Variants in ST6GALNAC3 observed in about 807,000 individuals in gnomAD.
ST6GALNAC3 encodes ST6 N-acetylgalactosaminide alpha-2,6-sialyltransferase 3.
Under a neutral mutation model 32.7 loss-of-function variants are expected in ST6GALNAC3, and 25 were observed. That is an observed-to-expected ratio of 0.76 (90% CI 0.56 to 1.07). ST6GALNAC3 has a LOEUF of 1.07. Ranked by LOEUF, ST6GALNAC3 falls within the 50% of genes least tolerant of loss-of-function variation. ST6GALNAC3 has a pLI of 0.00. For synonymous variants in ST6GALNAC3, 129 were observed against 133.1 expected, an observed-to-expected ratio of 0.97 and a Z score of 0.21; for missense variants, 355 against 382.4, an observed-to-expected ratio of 0.93 and a Z score of 0.60.
rs987028158 is a variant in ST6GALNAC3, at chr1:76,509,852, C to T, written c.623+97435C>T. Among the ~76,000 whole-genome samples, 2 of 152,276 alleles carry T rather than the reference C, an allele frequency of 1.3e-5. No homozygotes were observed. Among genetic ancestry groups the T allele is most frequent in the African/African-American group, 2.4e-5 (1 of 41,570 alleles). ...TAAGGACCCCCATGGTTACATTGGG[C>T]CAGAATAATCCTTCAAATTCAAGAT... is the stretch of plus-strand genomic sequence containing the variant. On this transcript the variant is annotated intron_variant, in intron 3 of 4. Transcript: ENST00000328299. This position sits in a 1 kb window ranked among gnomAD's most constrained non-coding sequence, Gnocchi z 5.5.
intron 1 of ST6GALNAC3, among the ~76,000 whole-genome samples, chr1:76,258,875 T>C (rs1658069638): frequency 6.6e-6 from 1 of 152,124 alleles, no homozygotes; most frequent in Non-Finnish European, 1.5e-5. Context: ...CCTAAAAAAA[T>C]TCAGCAAGTC....
intron 1 of ST6GALNAC3, among the ~76,000 whole-genome samples, chr1:76,182,136 G>A (rs1220936201): frequency 6.6e-6 from 1 of 152,124 alleles, no homozygotes; most frequent in African/African-American, 2.4e-5. Context: ...TATGAAATAA[G>A]CATTTTTACT....
intron 3 of ST6GALNAC3, among the ~76,000 whole-genome samples, chr1:76,559,458 C>T (rs1287007326): frequency 6.6e-6 from 1 of 152,044 alleles, no homozygotes; most frequent in African/African-American, 2.4e-5. Context: ...ATGGAGTAGG[C>T]AATTACTTTT....
chr1:76,380,338 A>G (rs958480212), intron 2 of ST6GALNAC3, among the ~76,000 whole-genome samples: 11 of 152,320 alleles, frequency 7.2e-5, no homozygotes, highest in Middle Eastern at 3.4e-3. Flanking sequence ...GATATGCAGG[A>G]ATTGAACTGT....
chr1:76,522,430 A>G (rs1197290750), intron 3 of ST6GALNAC3, among the ~76,000 whole-genome samples: 1 of 152,044 alleles, frequency 6.6e-6, no homozygotes, highest in Non-Finnish European at 1.5e-5. Context: ...CATATATGTG[A>G]TGCAATTTCT....
At chr1:76,363,715 G>T (rs887310012) in intron 2 of ST6GALNAC3, among the ~76,000 whole-genome samples, 1 of 152,210 alleles carries the variant, frequency 6.6e-6, no homozygotes, top group East Asian at 1.9e-4. Context: ...CAGGAAGCAT[G>T]ATGCTGGCAT....
At chr1:76,498,303 T>G (rs1660979241) in intron 3 of ST6GALNAC3, among the ~76,000 whole-genome samples, 1 of 152,182 alleles carries the variant, frequency 6.6e-6, no homozygotes, top group South Asian at 2.1e-4. Context: ...CATCACCAGT[T>G]TGCTCTTTCT....
chr1:76,374,540 G>A (rs1333009382), intron 2 of ST6GALNAC3, among the ~76,000 whole-genome samples: 3 of 152,188 alleles, frequency 2.0e-5, no homozygotes, highest in Non-Finnish European at 4.4e-5. Flanking sequence ...CATCTGACAT[G>A]TCTAATGACA....
intron 2 of ST6GALNAC3, among the ~76,000 whole-genome samples, chr1:76,353,283 G>A (rs376313741): frequency 3.9e-5 from 6 of 152,040 alleles, no homozygotes; most frequent in Admixed American, 3.9e-4. Context: ...TCGGGCCCAC[G>A]CGTTTCTGTG....
intron 1 of ST6GALNAC3, among the ~76,000 whole-genome samples, chr1:76,148,292 T>C (rs899629711): frequency 6.6e-6 from 1 of 152,220 alleles, no homozygotes; most frequent in Non-Finnish European, 1.5e-5. Flanking sequence ...TTCTTTGATA[T>C]ATAACAAAGC....
chr1:76,237,458 T>C (rs1343253636), intron 1 of ST6GALNAC3, among the ~76,000 whole-genome samples: 2 of 152,202 alleles, frequency 1.3e-5, no homozygotes, highest in Admixed American at 1.3e-4. Context: ...TGAAGGCCAC[T>C]TTAGCTAAGC....
chr1:76,193,414 G>A (rs994289604), intron 1 of ST6GALNAC3, among the ~76,000 whole-genome samples: 1 of 152,096 alleles, frequency 6.6e-6, no homozygotes, highest in Admixed American at 6.6e-5. Context: ...CTCACATTAA[G>A]CCTCCCTTCT....
intron 2 of ST6GALNAC3, among the ~76,000 whole-genome samples, chr1:76,352,727 A>G (rs1328111024): frequency 6.6e-6 from 1 of 152,048 alleles, no homozygotes; most frequent in East Asian, 1.9e-4. Flanking sequence ...GATGTATAAT[A>G]ATTATCAGAA....
At chr1:76,260,510 GA>G (rs1374368894) in intron 1 of ST6GALNAC3, among the ~76,000 whole-genome samples, 1 of 152,198 alleles carries the variant, frequency 6.6e-6, no homozygotes, top group African/African-American at 2.4e-5. Flanking sequence ...AGCCCTATGA[GA>G]TAGGGTATTA....
chr1:76,254,724 C>T (rs1270659508), intron 1 of ST6GALNAC3, among the ~76,000 whole-genome samples: 1 of 151,886 alleles, frequency 6.6e-6, no homozygotes, highest in Non-Finnish European at 1.5e-5. Flanking sequence ...TTTTTTTCCC[C>T]TATAATGTGT....
At chr1:76,569,807 T>C (rs1188368795) in intron 3 of ST6GALNAC3, among the ~76,000 whole-genome samples, 1 of 152,166 alleles carries the variant, frequency 6.6e-6, no homozygotes, top group East Asian at 1.9e-4. Context: ...TACTGTTCAA[T>C]ACTGAGTCAT....
At position 76,100,161 on chromosome 1, in the gene ST6GALNAC3, A is replaced by G. The variant is rs1647194548; in HGVS notation, c.18+25277A>G. Among the ~76,000 whole-genome samples, 4 of 152,264 alleles carry G rather than the reference A, an allele frequency of 2.6e-5. No homozygotes were observed. In the South Asian group the frequency reaches 8.3e-4, roughly 32 times the overall value. ...TTATCTGTAGATTCTTTGGATTTCT[A>G]CATCCACAATCATATCATTTGCTAA... On this transcript the variant is annotated intron_variant, in intron 1 of 4. Coordinates refer to ENST00000328299, the MANE Select transcript of ST6GALNAC3 (RefSeq NM_152996.4).
intron 3 of ST6GALNAC3, among the ~76,000 whole-genome samples, chr1:76,570,349 C>G (rs1665788413): frequency 1.3e-5 from 2 of 151,966 alleles, no homozygotes; most frequent in Non-Finnish European, 2.9e-5. Flanking sequence ...CTCTCTTCTT[C>G]CTTTTCTCTC....
chr1:76,281,211 T>C (rs1055898117), intron 1 of ST6GALNAC3, among the ~76,000 whole-genome samples: 2 of 152,222 alleles, frequency 1.3e-5, no homozygotes, highest in African/African-American at 4.8e-5. Context: ...CCCTGAGATA[T>C]TACCTTGAAA....
Sources: gnomAD v4.1 joint callset for allele counts (sites outside exome capture counted in the v4.1 genomes callset) on GRCh38, gnomAD v4.1.1 for gene constraint, Gnocchi (gnomAD v3.1) non-coding constraint, MANE v1.5 for transcripts, NCBI Gene and HGNC (gene_info 2026-07-23, HGNC 2026-07-21) for gene names.